TEP1: variants seen among roughly 807,000 people sequenced by gnomAD.
The protein encoded by TEP1 is telomerase associated protein 1.
Under a neutral mutation model 306.3 loss-of-function variants are expected in TEP1, and 241 were observed. The ratio of observed to expected loss-of-function variants is 0.79; its 90% confidence interval spans 0.71 to 0.88. The LOEUF (loss-of-function observed/expected upper bound fraction) is 0.88, where lower values mean the gene tolerates loss of function less well. Among genes scored for constraint, TEP1 ranks in the 40% least tolerant of loss-of-function variants. The pLI is 0.00. For missense variants in TEP1, 3,051 were observed against 3,276.1 expected, an observed-to-expected ratio of 0.93 and a Z score of 1.68; for synonymous variants, 1,289 against 1,305.5, an observed-to-expected ratio of 0.99 and a Z score of 0.27.
At chr14:20,374,563 G>A in intron 43 of TEP1, 27 bp from the exon 44 acceptor site, 1 of 1,546,722 alleles carries the variant, frequency 6.5e-7, no homozygotes, top group Non-Finnish European at 8.9e-7. Context: ...CAGAGGAGTG[G>A]GATTATCAGC....
At chr14:20,369,832 C>T (rs1464701696) in intron 51 of TEP1, 53 bp from the exon 52 acceptor site, 5 of 1,419,550 alleles carry the variant, frequency 3.5e-6, no homozygotes, top group East Asian at 2.3e-5. Flanking sequence ...TCAACTTGTA[C>T]CAGACAAAAC....
chr14:20,382,823 A>G, intron 27 of TEP1, 108 bp from the exon 28 acceptor site: 1 of 957,064 alleles, frequency 1.0e-6, no homozygotes, highest in South Asian at 1.4e-5. Context: ...GAGAGTCCCC[A>G]GCAGACGCCA....
In TEP1 at chr14:20,378,319, C is replaced by G. The variant is rs910365531; in HGVS notation, c.5508+61G>C. 1.9e-6 allele frequency: 3 copies of G among 1,611,928 alleles called. No individual in the cohort carries two copies. The East Asian group carries it at 6.7e-5, about 36-fold the overall frequency. On this transcript the variant is annotated intron_variant, in intron 38 of 54. Transcript: ENST00000262715. Reference sequence around the variant, plus strand: ...GACCCAGAATGCTGCTGTCTGTCGTCTGCCACCCTCCACTCCTGTCCTCCT... The same window carrying G: ...GACCCAGAATGCTGCTGTCTGTCGTGTGCCACCCTCCACTCCTGTCCTCCT...
At position 20,386,996 on chromosome 14, in the gene TEP1, G is replaced by A. The variant is rs375924325; in HGVS notation, c.2685-373C>T. Among the ~76,000 whole-genome samples the A allele has an allele frequency of 1.2e-4, 18 of 151,180 alleles. No individual in the cohort carries two copies. In the East Asian group the frequency reaches 2.8e-3, roughly 23 times the overall value. On this transcript the variant is annotated intron_variant, in intron 18 of 54. Coordinates refer to ENST00000262715, the MANE Select transcript of TEP1 (RefSeq NM_007110.5). ...GTTGCCCAGGCTAGAGTAAAATGGC[G>A]CGATCTCGGCTCACTGCAACCTCTG...
intron 1 of TEP1, among the ~76,000 whole-genome samples, chr14:20,410,442 A>T (rs1450524792): frequency 6.6e-6 from 1 of 151,764 alleles, no homozygotes; most frequent in Non-Finnish European, 1.5e-5. Context: ...TTTTTTTTTG[A>T]GACAGAGTCT....
Position 20,378,061 on chromosome 14 carries a change from G to T in TEP1, c.5684C>A (p.Ala1895Glu), listed in dbSNP as rs553923395. The T allele has an allele frequency of 6.2e-7, 1 of 1,613,348 alleles. No individual in the cohort carries two copies. The highest frequency in any genetic ancestry group is 8.5e-7 in the Non-Finnish European group (1 of 1,180,020). Residue 1895 changes from alanine (A) to glutamate (E), a missense_variant, in exon 39 of 55, where the codon GCG becomes GAG. Around this residue, in one of 3 missense-constraint regions of TEP1, gnomAD observed 1,540 missense variants for 1,705.9 expected, o/e 0.90. Coordinates refer to ENST00000262715, the MANE Select transcript of TEP1 (RefSeq NM_007110.5). ...GFVAAALFLH[A>E]GCQLLTAGED... ...TCCAGCCGTCAGTAACTGGCAACCCGCATGCAGGAAAAGCGCAGCAGCAAC... is the reference window on the plus strand; with the variant it reads ...TCCAGCCGTCAGTAACTGGCAACCCTCATGCAGGAAAAGCGCAGCAGCAAC...
intron 1 of TEP1, among the ~76,000 whole-genome samples, chr14:20,410,906 C>G (rs953500046): frequency 6.7e-6 from 1 of 149,866 alleles, no homozygotes; most frequent in African/African-American, 2.5e-5. Context: ...ACTGCAACCT[C>G]GACTTCCCGG....
intron 51 of TEP1, 141 bp from the exon 52 acceptor site, chr14:20,369,920 T>TC (rs1884730479): frequency 2.4e-6 from 1 of 417,472 alleles, no homozygotes; most frequent in East Asian, 4.4e-5. Flanking sequence ...GTGCGCAAAT[T>TC]TTTTTTTTTT....
chr14:20,385,097 G>A lies in TEP1; in HGVS notation c.2995C>T (p.Pro999Ser), dbSNP rs1877011628. Residue 999 changes from proline (P) to serine (S), a missense_variant, in exon 21 of 55, where the codon CCT becomes TCT. Pro to Ser is a moderately conservative substitution (Grantham distance 74). Around this residue, in one of 3 missense-constraint regions of TEP1, gnomAD observed 1,507 missense variants for 1,550.5 expected, o/e 0.97. Coordinates refer to ENST00000262715, the MANE Select transcript of TEP1 (RefSeq NM_007110.5). ...HPHFHWAQQY[P>S]SGRSVTEMEV... ...ATCTCTGTCACAGAGCGCCCTGAAG[G>A]GTACTGCTGGGCCTGCGGGGAGGAC... 1 of 1,613,982 alleles carries A rather than the reference G, an allele frequency of 6.2e-7. No homozygotes were observed. Among genetic ancestry groups the A allele is most frequent in the Non-Finnish European group, 8.5e-7 (1 of 1,179,970 alleles).
In TEP1 at chr14:20,380,995, A is replaced by T; in HGVS notation, c.4698T>A (p.His1566Gln). 1 of 1,614,146 alleles carries T rather than the reference A, an allele frequency of 6.2e-7. No individual in the cohort carries two copies. The highest frequency in any genetic ancestry group is 8.5e-7 in the Non-Finnish European group (1 of 1,180,024). The change falls in exon 33 of 55, where the codon CAT becomes CAA. Residue 1566 changes from histidine to glutamine, a missense_variant. Transcript: ENST00000262715. ...CCAATTCCAAGTGTGCAGCCACCACATGGAGGTTGGTAAGGAACTTCGAAA... is the reference window on the plus strand; with the variant it reads ...CCAATTCCAAGTGTGCAGCCACCACTTGGAGGTTGGTAAGGAACTTCGAAA... ...GLLSKFLTNL[H>Q]VVAAHLELGL...
chr14:20,404,812 C>A, intron 4 of TEP1, 40 bp from the exon 5 acceptor site: 1 of 1,557,048 alleles, frequency 6.4e-7, no homozygotes, highest in South Asian at 1.2e-5. Context: ...TCAGTCACTC[C>A]TCCCGTAGCT....
intron 9 of TEP1, among the ~76,000 whole-genome samples, chr14:20,397,719 T>A (rs895561657): frequency 2.0e-5 from 3 of 152,166 alleles, no homozygotes; most frequent in African/African-American, 7.2e-5. Flanking sequence ...TGTTCCCTTG[T>A]ACCTGTGTTA....
chr14:20,384,267 C>A (rs770439241), intron 23 of TEP1, 35 bp from the exon 24 acceptor site: 1 of 1,609,808 alleles, frequency 6.2e-7, no homozygotes, highest in South Asian at 1.1e-5. Context: ...ATCCATGGTG[C>A]CATGCTCCTC....
intron 34 of TEP1, 55 bp from the exon 35 acceptor site, chr14:20,380,108 G>A (rs1720219903): frequency 1.9e-5 from 30 of 1,591,652 alleles, no homozygotes; most frequent in Non-Finnish European, 2.6e-5. Context: ...GCAAACAGGA[G>A]TTGATTTATG....
chr14:20,400,155 A>G (rs1403679289), intron 9 of TEP1, among the ~76,000 whole-genome samples: 1 of 135,100 alleles, frequency 7.4e-6, no homozygotes, highest in African/African-American at 3.0e-5. Context: ...AAAAAAAAAA[A>G]AAAAAAAGAA....
chr14:20,411,251 C>T (rs1426385356), intron 1 of TEP1, among the ~76,000 whole-genome samples: 1 of 152,184 alleles, frequency 6.6e-6, no homozygotes, highest in Non-Finnish European at 1.5e-5. Flanking sequence ...TCACTAACAC[C>T]CCGATCTAAC....
intron 12 of TEP1, among the ~76,000 whole-genome samples, chr14:20,392,299 C>T (rs150284912): frequency 1.3e-5 from 2 of 152,180 alleles, no homozygotes; most frequent in South Asian, 4.1e-4. Context: ...AATTGGTTCA[C>T]GCAAAGATCA....
At chr14:20,374,149 G>A (rs986791083) in intron 44 of TEP1, among the ~76,000 whole-genome samples, 1 of 151,486 alleles carries the variant, frequency 6.6e-6, no homozygotes, top group African/African-American at 2.4e-5. Flanking sequence ...GGAGTGCAGT[G>A]GTTTGATCAT....
chr14:20,389,272 C>T lies in TEP1; in HGVS notation c.2491G>A (p.Val831Met). Residue 831 changes from valine (V) to methionine (M), a missense_variant, in exon 17 of 55, where the codon GTG becomes ATG. Val to Met is a conservative substitution (Grantham distance 21). Around this residue, in one of 3 missense-constraint regions of TEP1, gnomAD observed 1,507 missense variants for 1,550.5 expected, o/e 0.97. Transcript: ENST00000262715. ...YLSTDLNPND[V>M]TLSGCTDAIL... Reference sequence around the variant, plus strand: ...GCATCAGTACAGCCTGAGAGTGTCACATCATTGGGATTCAAATCTGTTGAC... The same window carrying T: ...GCATCAGTACAGCCTGAGAGTGTCATATCATTGGGATTCAAATCTGTTGAC... 1 of 1,614,150 alleles carries T rather than the reference C, an allele frequency of 6.2e-7. No individual in the cohort carries two copies. The highest frequency in any genetic ancestry group is 8.5e-7 in the Non-Finnish European group (1 of 1,180,030).
Sources: gnomAD v4.1 joint callset for allele counts (sites outside exome capture counted in the v4.1 genomes callset) on GRCh38, gnomAD v4.1.1 for gene constraint, gnomAD v4.1.1 regional missense constraint, MANE v1.5 for transcripts, NCBI Gene and HGNC (gene_info 2026-07-23, HGNC 2026-07-21) for gene names.